CPSF4: variants seen among roughly 807,000 people sequenced by gnomAD.
The protein encoded by CPSF4 is cleavage and polyadenylation specificity factor subunit 4.
In CPSF4, 11 loss-of-function variants were observed where a neutral mutation model predicts 37.7. That is an observed-to-expected ratio of 0.29 (90% confidence interval 0.18 to 0.48). The LOEUF (loss-of-function observed/expected upper bound fraction) is 0.48. CPSF4 is among the 20% of genes least tolerant of loss of function. The pLI, the probability that CPSF4 is intolerant of heterozygous loss-of-function variation, is 0.99. For synonymous variants in CPSF4, 132 were observed against 135.9 expected (o/e 0.97, Z 0.20); for missense variants, 144 against 359.5 (o/e 0.40, Z 4.85).
At chr7:99,443,484 T>A (rs1018868182) in intron 1 of CPSF4, 55 of 850,776 alleles carry the variant, frequency 6.5e-5, no homozygotes, top group Non-Finnish European at 1.0e-4. Flanking sequence ...AGCTCCACCA[T>A]CTCAGTTACC....
In CPSF4 at chr7:99,449,955, A is replaced by G. The variant is rs867768833; in HGVS notation, c.308-321A>G. 3.3e-5 allele frequency among the ~76,000 whole-genome samples: 5 copies of G among 152,162 alleles called. No individual in the cohort carries two copies. In the South Asian group the frequency reaches 1.0e-3, roughly 31 times the overall value. ...GAGAAGGTGAGCCTGGAAGCGGGCA[A>G]CTACTCAGGAAGGCGGTTCTTGGTG... On this transcript the variant is annotated intron_variant, in intron 3 of 7. Transcript: ENST00000292476.
At chr7:99,442,205 T>C (rs1204256801) in intron 1 of CPSF4, among the ~76,000 whole-genome samples, 1 of 152,180 alleles carries the variant, frequency 6.6e-6, no homozygotes, top group East Asian at 1.9e-4. Context: ...GGAAACTGTT[T>C]CTGATGCCAA....
At chr7:99,455,562 A>C (rs930773820) in intron 7 of CPSF4, among the ~76,000 whole-genome samples, 11 of 152,236 alleles carry the variant, frequency 7.2e-5, no homozygotes, top group African/African-American at 2.7e-4. Context: ...TAGAGCTGGC[A>C]AGAGTGTTGG....
At chr7:99,451,560 G>A (rs537595583) in intron 5 of CPSF4, among the ~76,000 whole-genome samples, 39 of 152,312 alleles carry the variant, frequency 2.6e-4, no homozygotes, top group African/African-American at 4.3e-4. Context: ...AGCCAACATC[G>A]TGCCACTGCA....
intron 1 of CPSF4, chr7:99,443,204 C>T (rs1584488779): frequency 6.4e-6 from 5 of 780,444 alleles, no homozygotes; most frequent in Non-Finnish European, 1.2e-5. Flanking sequence ...CCCTCTTCTG[C>T]ATTCTCTCAG....
chr7:99,439,286 C>G, intron 1 of CPSF4, 101 bp downstream of exon 1: 2 of 818,540 alleles, frequency 2.4e-6, no homozygotes, highest in Non-Finnish European at 3.7e-6. Flanking sequence ...AGACCTCCCC[C>G]GGCTTCCTCT....
At chr7:99,450,953 G>A in intron 5 of CPSF4, 158 bp downstream of exon 5, 1 of 606,162 alleles carries the variant, frequency 1.6e-6, no homozygotes, top group South Asian at 1.9e-5. Context: ...CCTGCTTATG[G>A]CCACCAATGC....
At chr7:99,450,247 A>T in intron 3 of CPSF4, 29 bp from the exon 4 acceptor site, 1 of 1,573,780 alleles carries the variant, frequency 6.4e-7, no homozygotes, top group Non-Finnish European at 8.7e-7. Context: ...CGGCCTTCCC[A>T]GTGGTCTCAC....
chr7:99,440,655 C>CATATATATATATAT (rs1228721219), intron 1 of CPSF4, among the ~76,000 whole-genome samples: 6 of 90,588 alleles, frequency 6.6e-5, no homozygotes, highest in South Asian at 3.9e-4. Flanking sequence ...CTGCACCTGG[C>CATATATATATATAT]ATATATATAT....
At chr7:99,446,607 T>C (rs1229214447) in intron 2 of CPSF4, among the ~76,000 whole-genome samples, 1 of 150,140 alleles carries the variant, frequency 6.7e-6, no homozygotes, top group African/African-American at 2.4e-5. Context: ...GTCTTTCCTT[T>C]TTTTTTTTTT....
At position 99,457,234 on chromosome 7, in the gene CPSF4, C is replaced by T. The variant is rs184226989; in HGVS notation, c.*734C>T. ...GGCGTCTACACTGTCACTCAGACACCTGTGGCATGTGGAGGAGACTGCCCT... is the reference window on the plus strand; with the variant it reads ...GGCGTCTACACTGTCACTCAGACACTTGTGGCATGTGGAGGAGACTGCCCT... On this transcript the variant is annotated 3_prime_UTR_variant, in exon 8 of 8. Coordinates refer to ENST00000292476, the MANE Select transcript of CPSF4 (RefSeq NM_006693.4). The T allele has an allele frequency of 6.4e-6, 1 of 155,470 alleles. No homozygotes were observed. The highest frequency in any genetic ancestry group is 6.3e-5 in the Admixed American group (1 of 15,952). 9.6% of individuals were successfully genotyped at this position (155,470 alleles called of 1,614,324 possible). A position where few individuals can be genotyped will look rare whatever the true frequency, so the allele number is the denominator to read the frequency against.
At position 99,448,213 on chromosome 7, in the gene CPSF4, G is replaced by T. The variant is rs1774921759; in HGVS notation, c.247G>T (p.Glu83Ter). 3 of 1,614,208 alleles carry T rather than the reference G, an allele frequency of 1.9e-6. No homozygotes were observed. The highest frequency in any genetic ancestry group is 2.5e-6 in the Non-Finnish European group (3 of 1,180,034). ...RGLCKKGDQC[E>*]FLHEYDMTKM... Reference sequence around the variant, plus strand: ...CCTATGCAAGAAAGGGGACCAGTGTGAGTTCCTGCATGAGTATGACATGAC... The same window carrying T: ...CCTATGCAAGAAAGGGGACCAGTGTTAGTTCCTGCATGAGTATGACATGAC... Residue 83 changes from glutamate to a stop codon, truncating the protein, a stop_gained, in exon 3 of 8, where the codon GAG (glutamate) becomes TAG (stop). Transcript: ENST00000292476. LOFTEE classifies it high-confidence loss of function. The surrounding 1 kb of genome is among the most constrained non-coding windows in gnomAD (Gnocchi z 4.4).
At chr7:99,450,827 A>G (rs753633688) in intron 5 of CPSF4, 32 bp downstream of exon 5, 1 of 1,533,242 alleles carries the variant, frequency 6.5e-7, no homozygotes, top group East Asian at 2.3e-5. Flanking sequence ...CCTCTACCCC[A>G]GCTCCCGGCC....
At chr7:99,439,427 C>T in intron 1 of CPSF4, 1 of 434,982 alleles carries the variant, frequency 2.3e-6, no homozygotes, top group Non-Finnish European at 4.1e-6. Flanking sequence ...TCCCGAGACT[C>T]TTCCCACTCC....
At chr7:99,450,945 T>A in intron 5 of CPSF4, 150 bp downstream of exon 5, 1 of 615,366 alleles carries the variant, frequency 1.6e-6, no homozygotes, top group Non-Finnish European at 2.9e-6. Flanking sequence ...AAGTAATCCC[T>A]GCTTATGGCC....
chr7:99,454,145 C>T lies in CPSF4; in HGVS notation c.741+9C>T. 1.2e-6 allele frequency: 2 copies of T among 1,610,820 alleles called. No individual in the cohort carries two copies. Among genetic ancestry groups the T allele is most frequent in the Non-Finnish European group, 1.7e-6 (2 of 1,177,940 alleles). On this transcript the variant is annotated intron_variant, in intron 7 of 7. Transcript: ENST00000292476. Reference sequence around the variant, plus strand: ...AGGTCACCTGTTACAAGGTGAGTCCCTGGGCTGGGGGACAGGGTGGGGTCT... The same window carrying T: ...AGGTCACCTGTTACAAGGTGAGTCCTTGGGCTGGGGGACAGGGTGGGGTCT...
Position 99,456,822 on chromosome 7 carries a change from CTG to C in CPSF4, c.*327_*328del. ...TGGGGAGGGGCTTGGCTAGGTAGTT[CTG>C]TGTGGCGGTGGTCATTCCCCTCATT... On this transcript the variant is annotated 3_prime_UTR_variant, in exon 8 of 8. Coordinates refer to ENST00000292476, the MANE Select transcript of CPSF4 (RefSeq NM_006693.4). 2.2e-6 allele frequency: 1 copy of C among 445,130 alleles called. No homozygotes were observed. The highest frequency in any genetic ancestry group is 2.0e-5 in the African/African-American group (1 of 50,030). The allele number at this position is 445,130 out of a possible 1,614,324, so 27.6% of individuals were successfully genotyped here. A position where few individuals can be genotyped will look rare whatever the true frequency, so the allele number is the denominator to read the frequency against.
At chr7:99,444,217 G>A (rs1446515820) in intron 1 of CPSF4, among the ~76,000 whole-genome samples, 2 of 152,150 alleles carry the variant, frequency 1.3e-5, no homozygotes, top group Non-Finnish European at 2.9e-5. Context: ...AGCACTTTGG[G>A]AGGCCGAGGT....
In CPSF4 at chr7:99,452,398, C is replaced by T. The variant is rs150662458; in HGVS notation, c.528C>T (p.Thr176=). Residue 176 remains threonine (T), a synonymous_variant, in exon 6 of 8, where the codon ACC becomes ACT. Transcript: ENST00000292476. ...HPRFELPMGT[T]EQPPLPQQTQ... ...GATTTGAACTGCCCATGGGAACCAC[C>T]GAGCAGCCCCCACTGCCGCAGCAGA... 441 of 1,614,004 alleles carry T rather than the reference C, an allele frequency of 2.7e-4. No individual in the cohort carries two copies. Among genetic ancestry groups the T allele is most frequent in the Non-Finnish European group, 3.4e-4 (407 of 1,179,986 alleles).
Sources: gnomAD v4.1 joint callset for allele counts (sites outside exome capture counted in the v4.1 genomes callset) on GRCh38, gnomAD v4.1.1 for gene constraint, Gnocchi (gnomAD v3.1) non-coding constraint, MANE v1.5 for transcripts, NCBI Gene and HGNC (gene_info 2026-07-23, HGNC 2026-07-21) for gene names.